Variants in PDE8B observed in about 807,000 individuals in gnomAD.
PDE8B encodes phosphodiesterase 8B.
Under a neutral mutation model 101.3 loss-of-function variants are expected in PDE8B, and 26 were observed. The observed-to-expected ratio is 0.26, with a 90% CI of 0.19 to 0.36. PDE8B has a LOEUF of 0.36. Ranked by LOEUF, PDE8B falls within the 10% of genes least tolerant of loss-of-function variation. The pLI, the probability that PDE8B is intolerant of heterozygous loss-of-function variation, is 1.00. For synonymous variants in PDE8B, 424 were observed against 429.3 expected (o/e 0.99, Z 0.15); for missense variants, 810 against 1,163.1 (o/e 0.70, Z 4.42).
chr5:77,357,999 T>C (rs1782416200), intron 10 of PDE8B, among the ~76,000 whole-genome samples: 1 of 152,210 alleles, frequency 6.6e-6, no homozygotes, highest in African/African-American at 2.4e-5. Context: ...TGGCCTTCAC[T>C]GCCCCCATGC....
chr5:77,100,426 G>A, the PDE8B span: 1 of 152,282 alleles, frequency 6.6e-6, no homozygotes. Context: ...ACATCATACA[G>A]GGAAGGTGGG....
At chr5:77,107,386 A>G in the PDE8B span, among the ~76,000 whole-genome samples, 1 of 152,202 alleles carries the variant, frequency 6.6e-6, no homozygotes, top group Admixed American at 6.5e-5. Context: ...ACCTTGCTAA[A>G]TTCAACTTTT....
At chr5:77,291,757 A>G (rs1767406730) in intron 1 of PDE8B, 7 of 1,583,326 alleles carry the variant, frequency 4.4e-6, no homozygotes, top group East Asian at 4.5e-5. Context: ...TGTACTATCA[A>G]CTACAGTAAA....
At chr5:77,348,655 G>A (rs1422122220) in intron 7 of PDE8B, among the ~76,000 whole-genome samples, 3 of 152,144 alleles carry the variant, frequency 2.0e-5, no homozygotes, top group African/African-American at 7.2e-5. Flanking sequence ...AATACAAGCC[G>A]CCACTGTTGA....
the PDE8B span, among the ~76,000 whole-genome samples, chr5:77,130,840 A>C: frequency 6.6e-6 from 1 of 152,246 alleles, no homozygotes; most frequent in Non-Finnish European, 1.5e-5. Flanking sequence ...TCTGAATTGT[A>C]GAAAAGAGAT....
At chr5:77,177,317 G>C in the PDE8B span, among the ~76,000 whole-genome samples, 2 of 152,206 alleles carry the variant, frequency 1.3e-5, no homozygotes, top group East Asian at 3.8e-4. Flanking sequence ...TGGAACCACA[G>C]ATAGTAATGA....
chr5:77,257,092 A>G (rs984534804), intron 1 of PDE8B, among the ~76,000 whole-genome samples: 1 of 152,208 alleles, frequency 6.6e-6, no homozygotes, highest in Non-Finnish European at 1.5e-5. Context: ...AGAAGATAAG[A>G]TATATTAGAC....
At chr5:77,200,275 A>G in the PDE8B span, among the ~76,000 whole-genome samples, 1 of 152,232 alleles carries the variant, frequency 6.6e-6, no homozygotes, top group Non-Finnish European at 1.5e-5. Flanking sequence ...CCCAGAAGAC[A>G]TCTTCAAATA....
intron 10 of PDE8B, among the ~76,000 whole-genome samples, chr5:77,379,315 A>G (rs1231283915): frequency 1.3e-5 from 2 of 152,258 alleles, no homozygotes; most frequent in East Asian, 1.9e-4. Flanking sequence ...TCTGGGGGAA[A>G]AAAACAGCTT....
rs1025959400 is a variant in PDE8B at position 77,426,675 on chromosome 5, T to C, written c.*121T>C. ...TATTGGTGAAGGAGCTAATGTTTAA[T>C]ATTTGACCTTGAATCATTCAAGTCC... is the stretch of plus-strand genomic sequence containing the variant. On this transcript the variant is annotated 3_prime_UTR_variant, in exon 22 of 22. Coordinates refer to ENST00000264917, the MANE Select transcript of PDE8B (RefSeq NM_003719.5). The C allele has an allele frequency of 2.3e-5, 16 of 710,028 alleles. 1 individual carries two copies. The East Asian group carries it at 2.7e-4, about 12-fold the overall frequency. The allele number at this position is 710,028 out of a possible 1,614,324, so 44.0% of individuals were successfully genotyped here. A position where few individuals can be genotyped will look rare whatever the true frequency, so the allele number is the denominator to read the frequency against.
the PDE8B span, chr5:77,119,254 G>T: frequency 6.6e-6 from 1 of 152,156 alleles, no homozygotes; most frequent in East Asian, 1.9e-4. Context: ...CTTTGGAAAG[G>T]TCTGGCACTT....
At chr5:77,320,317 T>C (rs187666403) in intron 2 of PDE8B, among the ~76,000 whole-genome samples, 24 of 152,332 alleles carry the variant, frequency 1.6e-4, no homozygotes, top group Middle Eastern at 3.4e-3. Flanking sequence ...GGATTGCCGA[T>C]AGCTATGTTC....
intron 10 of PDE8B, among the ~76,000 whole-genome samples, chr5:77,372,620 C>G (rs1274767544): frequency 6.6e-6 from 1 of 152,168 alleles, no homozygotes; most frequent in Non-Finnish European, 1.5e-5. Flanking sequence ...AAAGTTCAGT[C>G]TTTTCTGTTT....
intron 5 of PDE8B, among the ~76,000 whole-genome samples, chr5:77,334,599 G>A (rs1273036750): frequency 2.0e-5 from 3 of 152,114 alleles, no homozygotes; most frequent in South Asian, 2.1e-4. Flanking sequence ...GGGGAGCTAC[G>A]ATTTATTGTC....
chr5:77,399,792 T>C (rs753108476), intron 10 of PDE8B, among the ~76,000 whole-genome samples: 3 of 152,246 alleles, frequency 2.0e-5, no homozygotes, highest in Non-Finnish European at 4.4e-5. Context: ...TAATTGAGCA[T>C]TTGAAGAGCT....
At chr5:77,363,876 C>T (rs1442332848) in intron 10 of PDE8B, among the ~76,000 whole-genome samples, 2 of 152,138 alleles carry the variant, frequency 1.3e-5, no homozygotes, top group Non-Finnish European at 1.5e-5. Flanking sequence ...AGATGCTCAG[C>T]TGCCCACCTG....
At chr5:77,233,286 AG>A (rs1753955271) in intron 1 of PDE8B, among the ~76,000 whole-genome samples, 1 of 152,104 alleles carries the variant, frequency 6.6e-6, no homozygotes. Flanking sequence ...CCATTGATGA[AG>A]GCCAGTCATA....
intron 1 of PDE8B, among the ~76,000 whole-genome samples, chr5:77,290,045 A>G (rs1466458822): frequency 6.6e-6 from 1 of 152,240 alleles, no homozygotes; most frequent in Admixed American, 6.5e-5. Flanking sequence ...TCTATCACTT[A>G]TCAACTGCCT....
the PDE8B span, among the ~76,000 whole-genome samples, chr5:77,197,610 C>T: frequency 1.3e-5 from 2 of 151,496 alleles, no homozygotes; most frequent in Non-Finnish European, 2.9e-5. Flanking sequence ...AGCTTTTATC[C>T]CCTTTATCAT....
Sources: gnomAD v4.1 joint callset for allele counts (sites outside exome capture counted in the v4.1 genomes callset) on GRCh38, gnomAD v4.1.1 for gene constraint, MANE v1.5 for transcripts, NCBI Gene and HGNC (gene_info 2026-07-23, HGNC 2026-07-21) for gene names.